Variants in ROBO2 observed in about 807,000 individuals in gnomAD.
ROBO2 encodes roundabout homolog 2.
In ROBO2, 53 loss-of-function variants were observed where a neutral mutation model predicts 160.8. That is an observed-to-expected ratio of 0.33 (90% confidence interval 0.26 to 0.41). ROBO2 has a LOEUF of 0.41. ROBO2 is among the 10% of genes least tolerant of loss of function. The pLI, the probability that ROBO2 is intolerant of heterozygous loss-of-function variation, is 1.00. For synonymous variants in ROBO2, 664 were observed against 611.7 expected (o/e 1.09, Z -1.26); for missense variants, 1,577 against 1,722.4 (o/e 0.92, Z 1.49).
chr3:76,657,640 ATATG>A (rs2091604951), intron 2 of ROBO2, among the ~76,000 whole-genome samples: 2 of 142,150 alleles, frequency 1.4e-5, no homozygotes, highest in African/African-American at 2.7e-5. Context: ...ATATTCATAT[ATATG>A]TGTATATATA....
chr3:75,978,454 T>G (rs1162842760), intron 2 of ROBO2, among the ~76,000 whole-genome samples: 8 of 151,578 alleles, frequency 5.3e-5, no homozygotes, highest in Non-Finnish European at 1.2e-4. Flanking sequence ...AAATTTTACC[T>G]ATGTTTTACC....
At chr3:77,404,559 A>C (rs921675276) in intron 2 of ROBO2, among the ~76,000 whole-genome samples, 10 of 152,178 alleles carry the variant, frequency 6.6e-5, no homozygotes, top group African/African-American at 2.4e-4. Context: ...AGTTCAAAGC[A>C]TGTCATTCTT....
intron 2 of ROBO2, among the ~76,000 whole-genome samples, chr3:76,064,547 T>G (rs994205857): frequency 1.3e-5 from 2 of 152,206 alleles, no homozygotes; most frequent in African/African-American, 2.4e-5. Flanking sequence ...TTTGAAATCT[T>G]TCTGAATACT....
chr3:77,619,805 C>G (rs1423892729), intron 22 of ROBO2, among the ~76,000 whole-genome samples: 1 of 152,158 alleles, frequency 6.6e-6, no homozygotes, highest in East Asian at 1.9e-4. Flanking sequence ...TTACAGATTA[C>G]CTCCCAGGAG....
intron 2 of ROBO2, among the ~76,000 whole-genome samples, chr3:76,285,155 G>A (rs1320609531): frequency 6.6e-6 from 1 of 152,032 alleles, no homozygotes; most frequent in Non-Finnish European, 1.5e-5. Context: ...ATTATTTCCT[G>A]TATGTGAATT....
At chr3:77,344,868 T>G (rs1363421367) in intron 2 of ROBO2, among the ~76,000 whole-genome samples, 1 of 152,118 alleles carries the variant, frequency 6.6e-6, no homozygotes. Flanking sequence ...TCCATGAACA[T>G]ACTGTTTCTT....
At chr3:76,615,282 C>T (rs2088489936) in intron 2 of ROBO2, among the ~76,000 whole-genome samples, 1 of 151,862 alleles carries the variant, frequency 6.6e-6, no homozygotes, top group Non-Finnish European at 1.5e-5. Context: ...GATTTTTTAA[C>T]CCACAAGCAA....
intron 2 of ROBO2, among the ~76,000 whole-genome samples, chr3:76,088,943 G>A (rs1041118512): frequency 3.8e-4 from 57 of 151,874 alleles, no homozygotes; most frequent in Admixed American, 3.3e-3. Context: ...TGGAAAGATC[G>A]GAGTGGAAGA....
At chr3:76,101,378 C>T (rs754362308) in intron 2 of ROBO2, among the ~76,000 whole-genome samples, 5 of 151,898 alleles carry the variant, frequency 3.3e-5, no homozygotes, top group Non-Finnish European at 7.4e-5. Context: ...TGGGAGGGGA[C>T]GATCACACTT....
At chr3:77,287,963 G>A (rs535683311) in intron 2 of ROBO2, among the ~76,000 whole-genome samples, 1 of 152,188 alleles carries the variant, frequency 6.6e-6, no homozygotes, top group East Asian at 1.9e-4. Context: ...TTGGCAGTTG[G>A]CTATTAGATC....
intron 2 of ROBO2, among the ~76,000 whole-genome samples, chr3:77,222,341 A>T (rs1205786224): frequency 1.3e-5 from 2 of 152,098 alleles, no homozygotes; most frequent in African/African-American, 4.8e-5. Context: ...CTTTAATCTC[A>T]CTGATTTGGT....
chr3:77,154,742 A>G (rs1053357273), intron 2 of ROBO2, among the ~76,000 whole-genome samples: 4 of 152,184 alleles, frequency 2.6e-5, no homozygotes, highest in African/African-American at 9.6e-5. Flanking sequence ...CTAGAGGCTT[A>G]TCTTAAGTGG....
chr3:77,203,450 A>G (rs879403293), intron 2 of ROBO2, among the ~76,000 whole-genome samples: 2 of 152,152 alleles, frequency 1.3e-5, no homozygotes, highest in Admixed American at 1.3e-4. Context: ...CAGGTTTTAT[A>G]TCTTTGGGAA....
chr3:76,541,310 T>C (rs1297445302), intron 2 of ROBO2, among the ~76,000 whole-genome samples: 7 of 152,216 alleles, frequency 4.6e-5, no homozygotes, highest in Admixed American at 3.3e-4. Context: ...TTGGTATCTT[T>C]GTCAAACATG....
chr3:76,443,109 G>A (rs933675886), intron 2 of ROBO2, among the ~76,000 whole-genome samples: 2 of 151,786 alleles, frequency 1.3e-5, no homozygotes, highest in Non-Finnish European at 2.9e-5. Context: ...ATCACATGGC[G>A]AGAGAGGAAG....
intron 2 of ROBO2, among the ~76,000 whole-genome samples, chr3:77,320,516 A>C (rs1020692012): frequency 6.6e-6 from 1 of 152,052 alleles, no homozygotes; most frequent in Admixed American, 6.6e-5. Context: ...CGCAAATTGC[A>C]GTTGCCAGTT....
At chr3:77,127,880 A>G (rs1285373626) in intron 2 of ROBO2, among the ~76,000 whole-genome samples, 1 of 152,202 alleles carries the variant, frequency 6.6e-6, no homozygotes, top group African/African-American at 2.4e-5. Flanking sequence ...ATGGGAATGA[A>G]GGACCTTCCA....
intron 2 of ROBO2, among the ~76,000 whole-genome samples, chr3:76,624,076 G>A (rs1024273036): frequency 1.3e-5 from 2 of 151,714 alleles, no homozygotes; most frequent in East Asian, 1.9e-4. Flanking sequence ...AAAAAAAAGC[G>A]ATTATGTTCT....
chr3:77,643,591 G>A (rs1231661608), intron 24 of ROBO2, among the ~76,000 whole-genome samples: 1 of 152,098 alleles, frequency 6.6e-6, no homozygotes, highest in African/African-American at 2.4e-5. Flanking sequence ...TGGCGCGGGA[G>A]GTGGGGAGCC....
Sources: gnomAD v4.1 joint callset for allele counts (sites outside exome capture counted in the v4.1 genomes callset) on GRCh38, gnomAD v4.1.1 for gene constraint, MANE v1.5 for transcripts, NCBI Gene and HGNC (gene_info 2026-07-23, HGNC 2026-07-21) for gene names.